HMBOX1: variants seen among roughly 807,000 people sequenced by gnomAD.
HMBOX1 encodes homeobox-containing protein 1.
A neutral mutation model predicts 54.5 loss-of-function variants in HMBOX1; 14 were observed. The observed-to-expected ratio is 0.26, with a 90% confidence interval of 0.17 to 0.40. The LOEUF (loss-of-function observed/expected upper bound fraction) is 0.40, where lower values mean the gene tolerates loss of function less well. Ranked by LOEUF, HMBOX1 falls within the 10% of genes least tolerant of loss-of-function variation. HMBOX1 has a pLI of 1.00. For missense variants in HMBOX1, 332 were observed against 514.4 expected, an observed-to-expected ratio of 0.65 and a Z score of 3.43; for synonymous variants, 160 against 181.0, an observed-to-expected ratio of 0.88 and a Z score of 0.93.
intron 6 of HMBOX1, among the ~76,000 whole-genome samples, chr8:29,027,275 CA>C (rs1802206302): frequency 6.6e-6 from 1 of 152,066 alleles, no homozygotes; most frequent in Non-Finnish European, 1.5e-5. Flanking sequence ...TTCATTCATT[CA>C]ATGAAGTACT....
intron 1 of HMBOX1, among the ~76,000 whole-genome samples, chr8:28,944,965 G>A (rs1822152284): frequency 6.6e-6 from 1 of 152,084 alleles, no homozygotes; most frequent in Non-Finnish European, 1.5e-5. Context: ...CCTAGCTCTG[G>A]ATTTCTGCGC....
At chr8:29,047,482 T>G in intron 8 of HMBOX1, 29 bp downstream of exon 8, 3 of 1,167,996 alleles carry the variant, frequency 2.6e-6, no homozygotes, top group Non-Finnish European at 3.9e-6. Flanking sequence ...TGCTTTTCTC[T>G]TGTGCAGCAG....
At chr8:29,021,712 T>C (rs1801193527) in intron 6 of HMBOX1, among the ~76,000 whole-genome samples, 1 of 151,278 alleles carries the variant, frequency 6.6e-6, no homozygotes, top group Non-Finnish European at 1.5e-5. Context: ...AAAAAAAAAT[T>C]AGCCGGGCGT....
chr8:28,979,476 T>G (rs1284472565), intron 3 of HMBOX1, among the ~76,000 whole-genome samples: 3 of 152,134 alleles, frequency 2.0e-5, no homozygotes, highest in East Asian at 3.8e-4. Context: ...TACTAAAACT[T>G]TATATTCAAC....
At chr8:29,020,089 T>C (rs2133016044) in intron 6 of HMBOX1, among the ~76,000 whole-genome samples, 1 of 152,328 alleles carries the variant, frequency 6.6e-6, no homozygotes. Context: ...AATGAGACAT[T>C]ATTGTCCTGG....
intron 1 of HMBOX1, among the ~76,000 whole-genome samples, chr8:28,933,072 G>A (rs1376588168): frequency 6.6e-6 from 1 of 152,104 alleles, no homozygotes; most frequent in African/African-American, 2.4e-5. Context: ...GTCAGATCCT[G>A]TACTCTTTTT....
At chr8:28,910,290 A>G (rs1412353036) in intron 1 of HMBOX1, among the ~76,000 whole-genome samples, 1 of 152,210 alleles carries the variant, frequency 6.6e-6, no homozygotes, top group Middle Eastern at 3.2e-3. Context: ...TTGTTTTAAA[A>G]TACCACATTT....
At position 29,047,448 on chromosome 8, in the gene HMBOX1, A is replaced by G. The variant is rs780319522; in HGVS notation, c.1025A>G (p.Asn342Ser). 31 of 1,531,840 alleles carry G rather than the reference A, an allele frequency of 2.0e-5. No homozygotes were observed. Among genetic ancestry groups the G allele is most frequent in the Non-Finnish European group, 2.7e-5 (30 of 1,105,158 alleles). 94.9% of individuals were successfully genotyped at this position (1,531,840 alleles called of 1,614,324 possible). A position where few individuals can be genotyped will look rare whatever the true frequency, so the allele number is the denominator to read the frequency against. Reference protein sequence around the residue: ...NRRKEIKRRANIEAAILESHG... With the variant: ...NRRKEIKRRASIEAAILESHG... Reference sequence around the variant, plus strand: ...AGGAAGGAGATCAAGAGGAGAGCCAATATTGGTAATGTATCAGTGAGGCTG... The same window carrying G: ...AGGAAGGAGATCAAGAGGAGAGCCAGTATTGGTAATGTATCAGTGAGGCTG... The change falls in exon 8 of 10, where the codon AAT (asparagine) becomes AGT (serine). Residue 342 changes from asparagine to serine, a missense_variant. Transcript: ENST00000287701.
Position 29,053,001 on chromosome 8 carries a change from T to A in HMBOX1, c.*1846T>A, listed in dbSNP as rs1806580530. The A allele has an allele frequency of 6.6e-6, 1 of 152,442 alleles. No homozygotes were observed. Among genetic ancestry groups the A allele is most frequent in the Non-Finnish European group, 1.5e-5 (1 of 68,044 alleles). 9.4% of individuals were successfully genotyped at this position (152,442 alleles called of 1,614,324 possible). A position where few individuals can be genotyped will look rare whatever the true frequency, so the allele number is the denominator to read the frequency against. On this transcript the variant is annotated 3_prime_UTR_variant, in exon 10 of 10. Coordinates refer to ENST00000287701, the MANE Select transcript of HMBOX1 (RefSeq NM_001135726.3). ...AGAGAGAGAGACTGAATGACCTTCCTCAGTTTTCCCTTTCTCATTCAGGAG... is the reference window on the plus strand; with the variant it reads ...AGAGAGAGAGACTGAATGACCTTCCACAGTTTTCCCTTTCTCATTCAGGAG...
intron 6 of HMBOX1, among the ~76,000 whole-genome samples, chr8:29,025,668 G>T (rs1449292433): frequency 6.6e-6 from 1 of 152,110 alleles, no homozygotes; most frequent in Admixed American, 6.5e-5. Context: ...GGAGATTTGG[G>T]AGTCATCAAT....
intron 4 of HMBOX1, among the ~76,000 whole-genome samples, chr8:28,985,835 G>A (rs924063012): frequency 2.6e-5 from 4 of 152,048 alleles, no homozygotes; most frequent in African/African-American, 7.2e-5. Context: ...TTCTAGAGTC[G>A]TTTTAGGTTC....
At chr8:28,951,887 G>A (rs575405268) in intron 1 of HMBOX1, among the ~76,000 whole-genome samples, 182 of 152,268 alleles carry the variant, frequency 1.2e-3, no homozygotes, top group African/African-American at 3.8e-3. Flanking sequence ...AGAAAACCAG[G>A]CTGAGCACGG....
chr8:28,966,700 C>T lies in HMBOX1; in HGVS notation c.23+2810C>T, dbSNP rs191931344. ...CAATATCCAGGAGAGCTTCTAGACT[C>T]AGCGTTTTCTCAGTAAAATATTGTA... On this transcript the variant is annotated intron_variant, in intron 2 of 9. Coordinates refer to ENST00000287701, the MANE Select transcript of HMBOX1 (RefSeq NM_001135726.3). Among the ~76,000 whole-genome samples, 22 of 152,284 alleles carry T rather than the reference C, an allele frequency of 1.4e-4. No homozygotes were observed. The East Asian group carries it at 3.9e-3, about 27-fold the overall frequency.
At chr8:28,966,002 A>G (rs1450986486) in intron 2 of HMBOX1, among the ~76,000 whole-genome samples, 2 of 152,170 alleles carry the variant, frequency 1.3e-5, no homozygotes, top group Non-Finnish European at 2.9e-5. Flanking sequence ...AAATAAAGAC[A>G]GCAGAATTGA....
At chr8:28,989,688 T>C (rs1010524331) in intron 4 of HMBOX1, among the ~76,000 whole-genome samples, 11 of 152,238 alleles carry the variant, frequency 7.2e-5, no homozygotes, top group African/African-American at 2.7e-4. Context: ...TTTATAGGTC[T>C]TTTGTATTTT....
intron 1 of HMBOX1, among the ~76,000 whole-genome samples, chr8:28,900,742 G>A (rs2131565861): frequency 6.6e-6 from 1 of 151,966 alleles, no homozygotes; most frequent in Non-Finnish European, 1.5e-5. Flanking sequence ...CCCACCTTTT[G>A]TCATTAAGTT....
At chr8:28,965,794 T>C (rs1374285352) in intron 2 of HMBOX1, among the ~76,000 whole-genome samples, 1 of 152,202 alleles carries the variant, frequency 6.6e-6, no homozygotes, top group East Asian at 1.9e-4. Flanking sequence ...TGAGTGTATA[T>C]GTATTTTGAA....
chr8:28,927,951 A>G (rs1818835612), intron 1 of HMBOX1, among the ~76,000 whole-genome samples: 1 of 151,880 alleles, frequency 6.6e-6, no homozygotes, highest in Non-Finnish European at 1.5e-5. Flanking sequence ...CCTGGCTAAC[A>G]TGGTGAAACT....
At position 29,018,965 on chromosome 8, in the gene HMBOX1, A is replaced by G. The variant is rs761780512; in HGVS notation, c.851+52A>G. ...ATCTCCCAAACTTAGGGAAGACATCAACTCTGGATAGACTGGGACAGTTTT... is the reference window on the plus strand; with the variant it reads ...ATCTCCCAAACTTAGGGAAGACATCGACTCTGGATAGACTGGGACAGTTTT... On this transcript the variant is annotated intron_variant, in intron 6 of 9. Transcript: ENST00000287701. 7.1e-6 allele frequency: 11 copies of G among 1,548,228 alleles called. 1 individual carries two copies. In the South Asian group the frequency reaches 1.0e-4, roughly 14 times the overall value.
Sources: gnomAD v4.1 joint callset for allele counts (sites outside exome capture counted in the v4.1 genomes callset) on GRCh38, gnomAD v4.1.1 for gene constraint, MANE v1.5 for transcripts, NCBI Gene and HGNC (gene_info 2026-07-23, HGNC 2026-07-21) for gene names.